Variants in PTBP2 observed in about 807,000 individuals in gnomAD.
The protein encoded by PTBP2 is polypyrimidine tract-binding protein 2.
Under a neutral mutation model 61.4 loss-of-function variants are expected in PTBP2, and 13 were observed. The observed-to-expected ratio is 0.21, with a 90% CI of 0.14 to 0.34. The LOEUF (loss-of-function observed/expected upper bound fraction) is 0.34, where lower values mean the gene tolerates loss of function less well. Ranked by LOEUF, PTBP2 falls within the 10% of genes least tolerant of loss-of-function variation. The pLI, the probability that PTBP2 is intolerant of heterozygous loss-of-function variation, is 1.00. For missense variants in PTBP2, 405 were observed against 642.6 expected (o/e 0.63, Z 4.00); for synonymous variants, 215 against 218.5 (o/e 0.98, Z 0.14).
chr1:96,721,935 G>C lies in PTBP2; in HGVS notation c.8+63G>C, dbSNP rs944609118. ...AGGAGTTGGACCGTCCTTCGGCCCG[G>C]TCCCGGGCCGGGGAGAAACCCTCCC... On this transcript the variant is annotated intron_variant, in intron 1 of 13. Coordinates refer to ENST00000674951, the MANE Select transcript of PTBP2 (RefSeq NM_021190.4). The C allele has an allele frequency of 8.4e-5, 131 of 1,551,430 alleles. 1 individual carries two copies. Among genetic ancestry groups the C allele is most frequent in the East Asian group, 5.1e-4 (21 of 41,306 alleles).
intron 2 of PTBP2, among the ~76,000 whole-genome samples, chr1:96,728,906 G>A (rs539287292): frequency 6.6e-6 from 1 of 150,540 alleles, no homozygotes; most frequent in East Asian, 2.0e-4. Context: ...TACTGTAAAT[G>A]ATATTTTAAA....
intron 1 of PTBP2, 24 bp downstream of exon 1, chr1:96,721,896 G>C (rs1557674613): frequency 6.4e-7 from 1 of 1,572,920 alleles, no homozygotes; most frequent in South Asian, 1.2e-5. Flanking sequence ...CCGGCGAGAA[G>C]GTGTGTGTGA....
chr1:96,736,196 C>G (rs1302837179), intron 2 of PTBP2, among the ~76,000 whole-genome samples: 1 of 152,160 alleles, frequency 6.6e-6, no homozygotes, highest in African/African-American at 2.4e-5. Context: ...AATGTATCAA[C>G]AGACCCACTG....
chr1:96,730,367 T>C (rs966850454), intron 2 of PTBP2, among the ~76,000 whole-genome samples: 5 of 152,220 alleles, frequency 3.3e-5, no homozygotes, highest in African/African-American at 1.2e-4. Flanking sequence ...AAGTACCGCT[T>C]TCACGGCATT....
chr1:96,811,738 C>T (rs1198105518), intron 11 of PTBP2, among the ~76,000 whole-genome samples: 1 of 152,092 alleles, frequency 6.6e-6, no homozygotes, highest in Non-Finnish European at 1.5e-5. Context: ...ACTTTATTAT[C>T]TAGTTGATTA....
At chr1:96,742,639 A>T (rs578146197) in intron 2 of PTBP2, among the ~76,000 whole-genome samples, 13 of 147,856 alleles carry the variant, frequency 8.8e-5, no homozygotes, top group African/African-American at 3.2e-4. Context: ...TCAAGGTTAA[A>T]GGTAATCAGC....
At chr1:96,740,984 C>G (rs534460648) in intron 2 of PTBP2, among the ~76,000 whole-genome samples, 1 of 151,478 alleles carries the variant, frequency 6.6e-6, no homozygotes, top group Non-Finnish European at 1.5e-5. Context: ...CTTTTCAAAT[C>G]GATTGAATAT....
chr1:96,749,655 C>T, intron 2 of PTBP2: 1 of 455,812 alleles, frequency 2.2e-6, no homozygotes, highest in Middle Eastern at 3.3e-4. Flanking sequence ...GGTCTGAGAA[C>T]AAAGGCCAAA....
intron 7 of PTBP2, among the ~76,000 whole-genome samples, chr1:96,781,299 A>G (rs991312318): frequency 1.3e-5 from 2 of 152,106 alleles, no homozygotes; most frequent in East Asian, 3.9e-4. Context: ...GAGTACTAGG[A>G]ATCATCTCAA....
intron 2 of PTBP2, among the ~76,000 whole-genome samples, chr1:96,746,659 G>A (rs897346192): frequency 1.4e-5 from 2 of 142,154 alleles, no homozygotes; most frequent in South Asian, 2.2e-4. Flanking sequence ...AGCTATGATC[G>A]TTCCATTGCA....
chr1:96,780,846 T>A (rs1658574171), intron 7 of PTBP2, among the ~76,000 whole-genome samples: 1 of 152,084 alleles, frequency 6.6e-6, no homozygotes, highest in African/African-American at 2.4e-5. Context: ...TGGTGTCCGC[T>A]GTGTTAGGAA....
intron 8 of PTBP2, among the ~76,000 whole-genome samples, chr1:96,802,988 G>C (rs1193475170): frequency 6.6e-6 from 1 of 152,156 alleles, no homozygotes; most frequent in Non-Finnish European, 1.5e-5. Flanking sequence ...ATTGTTGTGT[G>C]TAGGAATGTT....
chr1:96,790,832 C>T (rs1410482829), intron 8 of PTBP2, among the ~76,000 whole-genome samples: 1 of 151,972 alleles, frequency 6.6e-6, no homozygotes, highest in Non-Finnish European at 1.5e-5. Flanking sequence ...TTAATTTGGC[C>T]TTGACCAGTG....
In PTBP2 at chr1:96,723,043, G is replaced by A. The variant is rs112795189; in HGVS notation, c.9-521G>A. On this transcript the variant is annotated intron_variant, in intron 1 of 13. Coordinates refer to ENST00000674951, the MANE Select transcript of PTBP2 (RefSeq NM_021190.4). Reference sequence around the variant, plus strand: ...CCTAGAGTTTGGTGTGTTTTAAAAGGTACTAAAAACAAGATTTTATAAAAG... The same window carrying A: ...CCTAGAGTTTGGTGTGTTTTAAAAGATACTAAAAACAAGATTTTATAAAAG... Among the ~76,000 whole-genome samples the A allele has an allele frequency of 9.5e-3, 1,450 of 152,190 alleles. 10 individuals carry two copies. Among genetic ancestry groups the A allele is most frequent in the Non-Finnish European group, 0.017 (1,162 of 68,008 alleles).
chr1:96,756,552 T>C (rs1197484769), intron 3 of PTBP2, among the ~76,000 whole-genome samples: 1 of 152,160 alleles, frequency 6.6e-6, no homozygotes, highest in Non-Finnish European at 1.5e-5. Flanking sequence ...AGAAGTCCTT[T>C]AGGAGGTGAA....
At chr1:96,786,188 A>G (rs1659182875) in intron 8 of PTBP2, among the ~76,000 whole-genome samples, 1 of 152,202 alleles carries the variant, frequency 6.6e-6, no homozygotes, top group Non-Finnish European at 1.5e-5. Context: ...TTCCCAATAT[A>G]TAACAGTCAT....
intron 2 of PTBP2, among the ~76,000 whole-genome samples, chr1:96,734,448 A>G (rs1235878887): frequency 3.9e-5 from 6 of 151,988 alleles, no homozygotes; most frequent in East Asian, 1.9e-4. Context: ...CATAAAAGTC[A>G]TAGTATTTTT....
At chr1:96,762,472 G>C (rs1656050404) in intron 3 of PTBP2, among the ~76,000 whole-genome samples, 1 of 142,620 alleles carries the variant, frequency 7.0e-6, no homozygotes, top group Non-Finnish European at 1.5e-5. Context: ...CTCCCGGACG[G>C]GGCGGCTGGC....
rs528865346 is a variant in PTBP2, at chr1:96,791,319, C to T, written c.904+6065C>T. On this transcript the variant is annotated intron_variant, in intron 8 of 13. Transcript: ENST00000674951. ...TTCTTAAAATATATGTAGGTGATGC[C>T]TGTGTTCTTTACTTTTGTGTGTGTG... Among the ~76,000 whole-genome samples the T allele has an allele frequency of 2.0e-4, 31 of 152,138 alleles. No individual in the cohort carries two copies. In the South Asian group the frequency reaches 3.1e-3, roughly 15 times the overall value.
Sources: allele counts gnomAD v4.1 joint callset (sites outside exome capture counted in the v4.1 genomes callset), GRCh38; gene constraint gnomAD v4.1.1; transcripts MANE v1.5; gene names NCBI Gene and HGNC (gene_info 2026-07-23, HGNC 2026-07-21).